Variants in ROBO2 observed in about 807,000 individuals in gnomAD.
The protein encoded by ROBO2 is roundabout homolog 2.
ROBO2 carries 53 observed loss-of-function variants against 160.8 expected under a neutral mutation model. The ratio of observed to expected loss-of-function variants is 0.33; its 90% CI spans 0.26 to 0.41. The LOEUF is 0.41. Ranked by LOEUF, ROBO2 falls within the 10% of genes least tolerant of loss-of-function variation. The pLI is 1.00. For missense variants in ROBO2, 1,577 were observed against 1,722.4 expected (o/e 0.92, Z 1.49); for synonymous variants, 664 against 611.7 (o/e 1.09, Z -1.26).
intron 2 of ROBO2, among the ~76,000 whole-genome samples, chr3:76,147,526 C>T (rs1303376743): frequency 6.6e-6 from 1 of 152,018 alleles, no homozygotes; most frequent in East Asian, 1.9e-4. Flanking sequence ...TACTGTTTTA[C>T]ACCTTTAATC....
chr3:77,101,286 A>G (rs2071886756), intron 2 of ROBO2, among the ~76,000 whole-genome samples: 2 of 151,592 alleles, frequency 1.3e-5, no homozygotes, highest in Non-Finnish European at 1.5e-5. Flanking sequence ...GAGGATGATT[A>G]CTAGATTTGT....
In ROBO2 at chr3:76,292,060, C is replaced by T. The variant is rs566136612; in HGVS notation, c.109+354458C>T. 1.6e-4 allele frequency among the ~76,000 whole-genome samples: 25 copies of T among 152,126 alleles called. No individual in the cohort carries two copies. The South Asian group carries it at 4.4e-3, about 27-fold the overall frequency. ...AAGTGTCTATTCAGGTCCCAAATAT[C>T]TTATTAGTTTTCTGCCTCGATGATC... is the stretch of plus-strand genomic sequence containing the variant. On this transcript the variant is annotated intron_variant, in intron 2 of 26. Coordinates refer to the ROBO2 transcript ENST00000487694.
chr3:76,267,452 A>T (rs181233381), intron 2 of ROBO2, among the ~76,000 whole-genome samples: 451 of 152,100 alleles, frequency 3.0e-3, no homozygotes, highest in African/African-American at 0.01. Flanking sequence ...CTATTTTGGG[A>T]TGTTGCAGGT....
intron 5 of ROBO2, 100 bp downstream of exon 5, chr3:77,493,482 G>A: frequency 2.3e-6 from 3 of 1,322,264 alleles, no homozygotes; most frequent in Non-Finnish European, 3.2e-6. Context: ...CCTATGTCTT[G>A]GGGTACTTTC....
At chr3:76,576,780 CAA>C (rs56044277) in intron 2 of ROBO2, among the ~76,000 whole-genome samples, 1 of 92,926 alleles carries the variant, frequency 1.1e-5, no homozygotes, top group Non-Finnish European at 2.0e-5. Flanking sequence ...CTCCGTCTCA[CAA>C]AAAAAAAAAA....
intron 2 of ROBO2, among the ~76,000 whole-genome samples, chr3:77,246,030 G>A (rs1400629480): frequency 6.6e-6 from 1 of 152,200 alleles, no homozygotes; most frequent in African/African-American, 2.4e-5. Flanking sequence ...CTATCAGGAA[G>A]TAGATTGTTT....
At chr3:76,173,787 A>C (rs1299011878) in intron 2 of ROBO2, among the ~76,000 whole-genome samples, 2 of 152,094 alleles carry the variant, frequency 1.3e-5, no homozygotes, top group African/African-American at 4.8e-5. Flanking sequence ...GGTTGTTTCC[A>C]AGTCTTTGCT....
intron 2 of ROBO2, among the ~76,000 whole-genome samples, chr3:77,214,204 G>T (rs573109966): frequency 1.3e-5 from 2 of 152,212 alleles, no homozygotes; most frequent in Non-Finnish European, 2.9e-5. Flanking sequence ...TTATTATTGT[G>T]TGGGATTCTA....
intron 2 of ROBO2, among the ~76,000 whole-genome samples, chr3:76,641,082 A>G (rs1374850): frequency 0.69 from 104,596 of 152,136 alleles, 36,940 homozygotes; most frequent in African/African-American, 0.85. Context: ...CAAAATCACC[A>G]TTGGACATAA....
intron 4 of ROBO2, 88 bp downstream of exon 4, chr3:77,481,307 T>C: frequency 1.9e-6 from 2 of 1,078,470 alleles, no homozygotes; most frequent in East Asian, 5.9e-5. Context: ...CTGGGCCATA[T>C]AAGGACAGTT....
At chr3:76,545,994 C>T (rs1039043957) in intron 2 of ROBO2, among the ~76,000 whole-genome samples, 1 of 151,514 alleles carries the variant, frequency 6.6e-6, no homozygotes, top group African/African-American at 2.4e-5. Flanking sequence ...ACTTTTTGTT[C>T]CTGACTTTTC....
intron 2 of ROBO2, among the ~76,000 whole-genome samples, chr3:76,477,003 T>C (rs573489820): frequency 6.6e-6 from 1 of 152,302 alleles, no homozygotes; most frequent in African/African-American, 2.4e-5. Context: ...CAGGTTCATA[T>C]TCTGGCTTAT....
rs74352148 is a variant in ROBO2, at chr3:76,975,881, A to G, written c.110-122133A>G. 5.8e-4 allele frequency among the ~76,000 whole-genome samples: 89 copies of G among 152,258 alleles called. 4 individuals are homozygous for G. The East Asian group carries it at 0.016, about 27-fold the overall frequency. The stretch of plus-strand genomic sequence containing the variant: ...GACATGCTGTAAATTATATACATAT[A>G]TTGATGATTCATATGAAGACATGAT... On this transcript the variant is annotated intron_variant, in intron 2 of 26. Transcript: ENST00000487694.
intron 1 of ROBO2, among the ~76,000 whole-genome samples, chr3:77,067,961 A>G (rs1037472821): frequency 6.6e-6 from 1 of 152,148 alleles, no homozygotes; most frequent in African/African-American, 2.4e-5. Context: ...CCTGTTTAAG[A>G]CATAAACATC....
chr3:77,602,768 C>G (rs1220931444), intron 20 of ROBO2, among the ~76,000 whole-genome samples: 3 of 151,174 alleles, frequency 2.0e-5, no homozygotes, highest in Admixed American at 6.6e-5. Flanking sequence ...CTTTTTCAAC[C>G]TAATGATCAA....
At chr3:76,591,012 T>C (rs1490274700) in intron 2 of ROBO2, among the ~76,000 whole-genome samples, 2 of 152,096 alleles carry the variant, frequency 1.3e-5, no homozygotes, top group African/African-American at 4.8e-5. Context: ...TTAAGTAACA[T>C]GAGGTTTGGG....
chr3:76,934,432 A>C (rs1323498018), intron 2 of ROBO2, among the ~76,000 whole-genome samples: 1 of 147,062 alleles, frequency 6.8e-6, no homozygotes, highest in African/African-American at 2.5e-5. Context: ...CCTATTGACA[A>C]ATGGTTCAAT....
At chr3:77,452,769 G>GTT (rs111242814) in intron 2 of ROBO2, among the ~76,000 whole-genome samples, 8 of 151,792 alleles carry the variant, frequency 5.3e-5, no homozygotes, top group African/African-American at 1.9e-4. Flanking sequence ...ACCAAAACAT[G>GTT]TTTTTTTTAA....
intron 2 of ROBO2, among the ~76,000 whole-genome samples, chr3:76,464,716 A>T (rs1213459463): frequency 6.6e-6 from 1 of 152,180 alleles, no homozygotes; most frequent in African/African-American, 2.4e-5. Flanking sequence ...GGGAAAATTT[A>T]GTTTTCAAGA....
Sources: gnomAD v4.1 joint callset for allele counts (sites outside exome capture counted in the v4.1 genomes callset) on GRCh38, gnomAD v4.1.1 for gene constraint, MANE v1.5 for transcripts, NCBI Gene and HGNC (gene_info 2026-07-23, HGNC 2026-07-21) for gene names.